DTHD1: variants seen among roughly 807,000 people sequenced by gnomAD.
DTHD1 encodes death domain-containing protein 1.
A neutral mutation model predicts 74.8 loss-of-function variants in DTHD1; 59 were observed. The ratio of observed to expected loss-of-function variants is 0.79; its 90% CI spans 0.64 to 0.98. DTHD1 has a LOEUF of 0.98. Among genes scored for constraint, DTHD1 ranks in the 50% least tolerant of loss-of-function variants. The pLI is 0.00. For missense variants in DTHD1, 1,051 were observed against 1,065.4 expected (o/e 0.99, Z 0.19); for synonymous variants, 365 against 371.1 (o/e 0.98, Z 0.19).
intron 9 of DTHD1, among the ~76,000 whole-genome samples, chr4:36,339,890 T>C (rs1759222403): frequency 6.6e-6 from 1 of 152,220 alleles, no homozygotes; most frequent in Non-Finnish European, 1.5e-5. Context: ...ATAAACCCTT[T>C]CAGGGATAAA....
At chr4:36,290,250 A>G in intron 2 of DTHD1, 123 bp from the exon 3 acceptor site, 1 of 1,015,984 alleles carries the variant, frequency 9.8e-7, no homozygotes, top group Non-Finnish European at 1.4e-6. Context: ...AAGGTCACAG[A>G]GTTGATCAGA....
chr4:36,316,615 G>A lies in DTHD1; in HGVS notation c.2340+129G>A, dbSNP rs956308650. The A allele has an allele frequency of 3.3e-6, 3 of 909,218 alleles. No homozygotes were observed. The African/African-American group carries it at 5.1e-5, about 15-fold the overall frequency. 56.3% of individuals were successfully genotyped at this position (909,218 alleles called of 1,614,324 possible). ...GGTAAGAATAGAGGTAATAAAGAAG[G>A]AGTAGGTAGGTCCAATTTTAGAGTA... On this transcript the variant is annotated intron_variant, in intron 8 of 9. Transcript: ENST00000639862.
intron 9 of DTHD1, among the ~76,000 whole-genome samples, chr4:36,340,744 A>C (rs928349924): frequency 6.6e-6 from 1 of 152,242 alleles, no homozygotes. Flanking sequence ...AAGATTGGGT[A>C]GATCTAGGAT....
At chr4:36,340,325 C>A (rs1759246137) in intron 9 of DTHD1, among the ~76,000 whole-genome samples, 1 of 152,124 alleles carries the variant, frequency 6.6e-6, no homozygotes, top group African/African-American at 2.4e-5. Flanking sequence ...TCAGGTGAAC[C>A]AAAACTGACA....
chr4:36,281,873 G>A lies in DTHD1; in HGVS notation c.115G>A (p.Gly39Ser). The stretch of plus-strand genomic sequence containing the variant: ...GGGTGATGACCTTTGTGAGGGGGCT[G>A]GTGGGGCCACTTGGATGGCCACTGT... ...LLGDDLCEGA[G>S]GATWMATVVF... The change falls in exon 1 of 10, where the codon GGT (glycine) becomes AGT (serine). Residue 39 changes from glycine to serine, a missense_variant. By Grantham distance (56) the Gly-to-Ser change is moderately conservative (BLOSUM62 0). Coordinates refer to ENST00000639862, the MANE Select transcript of DTHD1 (RefSeq NM_001170700.3). 1 of 1,274,104 alleles carries A rather than the reference G, an allele frequency of 7.8e-7. No homozygotes were observed. Among genetic ancestry groups the A allele is most frequent in the Non-Finnish European group, 9.9e-7 (1 of 1,007,238 alleles). The allele number at this position is 1,274,104 out of a possible 1,614,324, so 78.9% of individuals were successfully genotyped here. A position where few individuals can be genotyped will look rare whatever the true frequency, so the allele number is the denominator to read the frequency against.
Position 36,290,695 on chromosome 4 carries a change from G to C in DTHD1, c.1210G>C (p.Gly404Arg). ...NPNSLEGMKGGYKGTCASVKV... is the reference protein window; with the variant it reads ...NPNSLEGMKGRYKGTCASVKV... ...AAATTCACTAGAAGGAATGAAGGGA[G>C]GTTATAAGGTTAGTAAATTCTTGGC... Residue 404 changes from glycine to arginine, a missense_variant, in exon 3 of 10, where the codon GGT becomes CGT. Coordinates refer to ENST00000639862, the MANE Select transcript of DTHD1 (RefSeq NM_001170700.3). 6.5e-7 allele frequency: 1 copy of C among 1,534,904 alleles called. No homozygotes were observed. Among genetic ancestry groups the C allele is most frequent in the Non-Finnish European group, 8.7e-7 (1 of 1,143,940 alleles).
chr4:36,297,788 T>C (rs1293356158), intron 5 of DTHD1, among the ~76,000 whole-genome samples: 1 of 152,070 alleles, frequency 6.6e-6, no homozygotes, highest in East Asian at 1.9e-4. Flanking sequence ...AAGAGGCTGA[T>C]AGGGGGAGGA....
At chr4:36,303,895 A>C (rs1197570107) in intron 5 of DTHD1, among the ~76,000 whole-genome samples, 1 of 152,198 alleles carries the variant, frequency 6.6e-6, no homozygotes, top group Non-Finnish European at 1.5e-5. Flanking sequence ...AGACCTTTGG[A>C]TAGACCTATA....
chr4:36,329,697 T>C (rs188623165), intron 8 of DTHD1, among the ~76,000 whole-genome samples: 196 of 152,312 alleles, frequency 1.3e-3, no homozygotes, highest in African/African-American at 4.7e-3. Flanking sequence ...TACACACCAG[T>C]TTTAAATAAA....
chr4:36,302,428 T>C (rs1385449110), intron 5 of DTHD1, among the ~76,000 whole-genome samples: 4 of 152,174 alleles, frequency 2.6e-5, no homozygotes, highest in African/African-American at 9.7e-5. Context: ...AGAACGTTTC[T>C]CTCAGCTGTG....
intron 5 of DTHD1, among the ~76,000 whole-genome samples, chr4:36,303,463 A>G (rs1333820349): frequency 6.6e-6 from 1 of 152,194 alleles, no homozygotes; most frequent in Admixed American, 6.5e-5. Flanking sequence ...GTATCTATCT[A>G]TATATTTTTT....
intron 7 of DTHD1, chr4:36,315,723 G>A (rs1427778040): frequency 6.6e-6 from 1 of 152,212 alleles, no homozygotes; most frequent in Non-Finnish European, 1.5e-5. Flanking sequence ...AGAAAGAAAA[G>A]CTAAAGATTA....
intron 8 of DTHD1, among the ~76,000 whole-genome samples, chr4:36,317,651 A>C (rs1578472418): frequency 6.6e-6 from 1 of 152,224 alleles, no homozygotes. Flanking sequence ...TGTCTATGGA[A>C]TAGTGCTTCT....
At chr4:36,288,885 G>C (rs749591013) in intron 2 of DTHD1, among the ~76,000 whole-genome samples, 3 of 152,132 alleles carry the variant, frequency 2.0e-5, no homozygotes, top group Non-Finnish European at 4.4e-5. Flanking sequence ...CTGGGTCACT[G>C]TATCCTCTAT....
intron 7 of DTHD1, chr4:36,315,700 CAA>C (rs1411546512): frequency 6.6e-6 from 1 of 152,018 alleles, no homozygotes; most frequent in Non-Finnish European, 1.5e-5. Flanking sequence ...CTGGTTATAT[CAA>C]AATGGAATAG....
At chr4:36,329,583 A>G (rs1430553437) in intron 8 of DTHD1, among the ~76,000 whole-genome samples, 1 of 152,222 alleles carries the variant, frequency 6.6e-6, no homozygotes, top group African/African-American at 2.4e-5. Context: ...TACTTCTCAT[A>G]TAAGTTTATA....
chr4:36,283,922 T>A, intron 1 of DTHD1, 54 bp from the exon 2 acceptor site: 1 of 1,224,060 alleles, frequency 8.2e-7, no homozygotes, highest in Non-Finnish European at 1.1e-6. Flanking sequence ...TGCAGAAACA[T>A]AATTTGGTTT....
At chr4:36,288,113 T>C (rs1170194455) in intron 2 of DTHD1, among the ~76,000 whole-genome samples, 1 of 152,222 alleles carries the variant, frequency 6.6e-6, no homozygotes, top group Non-Finnish European at 1.5e-5. Context: ...TTTTATTTTA[T>C]TTTGAGATGG....
intron 2 of DTHD1, among the ~76,000 whole-genome samples, chr4:36,288,244 G>A (rs550081593): frequency 6.6e-5 from 10 of 152,094 alleles, no homozygotes; most frequent in East Asian, 3.9e-4. Flanking sequence ...GACTACAGGC[G>A]CCCACCAGCA....
Sources: allele counts gnomAD v4.1 joint callset (sites outside exome capture counted in the v4.1 genomes callset), GRCh38; gene constraint gnomAD v4.1.1; transcripts MANE v1.5; gene names NCBI Gene and HGNC (gene_info 2026-07-23, HGNC 2026-07-21).